Variants in FSD1L observed in about 807,000 individuals in gnomAD.
FSD1L encodes the protein fibronectin type III and SPRY domain containing 1 like.
A neutral mutation model predicts 71.6 loss-of-function variants in FSD1L; 45 were observed. The observed-to-expected ratio is 0.63, with a 90% CI of 0.49 to 0.81. The LOEUF (loss-of-function observed/expected upper bound fraction) is 0.81, where lower values mean the gene tolerates loss of function less well. Ranked by LOEUF, FSD1L falls within the 30% of genes least tolerant of loss-of-function variation. FSD1L has a pLI of 0.00. For missense variants in FSD1L, 561 were observed against 618.1 expected (o/e 0.91, Z 0.98); for synonymous variants, 197 against 207.2 (o/e 0.95, Z 0.42).
intron 12 of FSD1L, among the ~76,000 whole-genome samples, chr9:105,537,102 A>T (rs1386657661): frequency 6.6e-6 from 1 of 152,250 alleles, no homozygotes; most frequent in Non-Finnish European, 1.5e-5. Context: ...TTTAAAGCTC[A>T]TTGAATTAGT....
rs987220202 is a variant in FSD1L at position 105,523,776 on chromosome 9, A to G, written c.1026-10717A>G. ...AGATTTTCTAACACATTTCTACAAT[A>G]TAATGCATTGTGGATTACTTCATAT... On this transcript the variant is annotated intron_variant, in intron 10 of 13. Coordinates refer to ENST00000481272, the MANE Select transcript of FSD1L (RefSeq NM_001145313.3). The G allele has an allele frequency of 5.3e-5, 85 of 1,595,750 alleles. No individual in the cohort carries two copies. In the African/African-American group the frequency reaches 1.0e-3, roughly 19 times the overall value.
intron 5 of FSD1L, among the ~76,000 whole-genome samples, chr9:105,478,453 CTAGGCACTGGGGATACAGTGT>C (rs1470802853): frequency 6.6e-6 from 1 of 152,066 alleles, no homozygotes; most frequent in Admixed American, 6.6e-5. Flanking sequence ...AGCATTTTTG[CTAGGCACTGGGGATACAGTGT>C]TGAGCAAAAC....
chr9:105,531,506 T>C (rs1835893336), intron 10 of FSD1L, among the ~76,000 whole-genome samples: 1 of 152,242 alleles, frequency 6.6e-6, no homozygotes, highest in African/African-American at 2.4e-5. Flanking sequence ...AAGTTAGATA[T>C]AATGAAGAGC....
chr9:105,500,678 A>T (rs907880302), intron 7 of FSD1L: 1 of 152,154 alleles, frequency 6.6e-6, no homozygotes, highest in African/African-American at 2.4e-5. Flanking sequence ...AAGCTCCTGG[A>T]GGTAAAACTC....
upstream of FSD1L, chr9:105,447,736 G>A (rs951734273): frequency 1.0e-5 from 2 of 196,358 alleles, no homozygotes; most frequent in Non-Finnish European, 2.1e-5. Flanking sequence ...AGTGTGGGGA[G>A]GGGCTTCAGA....
chr9:105,517,159 A>G (rs908504709), intron 10 of FSD1L, among the ~76,000 whole-genome samples: 2 of 152,230 alleles, frequency 1.3e-5, no homozygotes, highest in Admixed American at 1.3e-4. Flanking sequence ...AAAGGCTCCA[A>G]GAAATATGGG....
chr9:105,488,382 AT>A (rs1832693519), intron 7 of FSD1L, among the ~76,000 whole-genome samples: 2 of 152,310 alleles, frequency 1.3e-5, no homozygotes, highest in South Asian at 4.1e-4. Context: ...GTATGGAATA[AT>A]AGTCCATTGT....
intron 10 of FSD1L, chr9:105,523,719 A>T (rs1835329485): frequency 1.4e-5 from 22 of 1,596,428 alleles, no homozygotes; most frequent in Non-Finnish European, 1.4e-5. Context: ...TGGTAATACA[A>T]TGAAAAGAAG....
rs143329935 is a variant in FSD1L at position 105,495,446 on chromosome 9, C to A, written c.586+10944C>A. Among the ~76,000 whole-genome samples, 1,350 of 152,334 alleles carry A rather than the reference C, an allele frequency of 8.9e-3. 11 individuals are homozygous for A. Among genetic ancestry groups the A allele is most frequent in the Middle Eastern group, 0.054 (16 of 294 alleles). ...GGATAGGGAACTCCCTGACCCCTTG[C>A]TCTTCCCGAGTGAGGCAATGCCTCG... On this transcript the variant is annotated intron_variant, in intron 7 of 13. Transcript: ENST00000481272.
chr9:105,511,363 T>C (rs1452652579), intron 9 of FSD1L, among the ~76,000 whole-genome samples: 1 of 152,078 alleles, frequency 6.6e-6, no homozygotes, highest in Non-Finnish European at 1.5e-5. Context: ...CAATATTCTT[T>C]CTCAAAAATG....
chr9:105,530,059 T>A (rs1835794819), intron 10 of FSD1L, among the ~76,000 whole-genome samples: 1 of 152,208 alleles, frequency 6.6e-6, no homozygotes, highest in African/African-American at 2.4e-5. Flanking sequence ...AAAGGCAGAT[T>A]AGGACTAAAT....
At chr9:105,468,442 G>T in intron 4 of FSD1L, 118 bp downstream of exon 4, 3 of 736,884 alleles carry the variant, frequency 4.1e-6, no homozygotes, top group South Asian at 3.0e-5. Flanking sequence ...GTAGAAGAAT[G>T]GTTTTTTGTT....
At chr9:105,452,661 G>GCCTGCCTGCCTGCCTGCCTT (rs1830092738) in intron 1 of FSD1L, among the ~76,000 whole-genome samples, 5 of 95,202 alleles carry the variant, frequency 5.3e-5, no homozygotes, top group African/African-American at 1.6e-4. Context: ...CTGCCTGCCT[G>GCCTGCCTGCCTGCCTGCCTT]CCTGCCTGCC....
intron 10 of FSD1L, chr9:105,519,992 G>A: frequency 1.4e-6 from 2 of 1,385,376 alleles, no homozygotes; most frequent in Non-Finnish European, 1.9e-6. Flanking sequence ...GGGAGGAGTC[G>A]GCTCTGCCCT....
chr9:105,482,774 C>T lies in FSD1L; in HGVS notation c.465-1607C>T, dbSNP rs138234417. On this transcript the variant is annotated intron_variant, in intron 6 of 13. Transcript: ENST00000481272. ...AAGCCTTTCTAATGCATTTATGGGG[C>T]ATATTCTTTTTCTTTGATGTCATGG... Among the ~76,000 whole-genome samples the T allele has an allele frequency of 2.0e-5, 3 of 152,048 alleles. No individual in the cohort carries two copies. The East Asian group carries it at 5.8e-4, about 29-fold the overall frequency.
intron 7 of FSD1L, among the ~76,000 whole-genome samples, chr9:105,505,721 G>A (rs1834016587): frequency 6.6e-6 from 1 of 152,140 alleles, no homozygotes; most frequent in Non-Finnish European, 1.5e-5. Context: ...AACTAGCCTT[G>A]CATACCAGGA....
rs1837161725 is a variant in FSD1L, at chr9:105,549,066, T to G, written c.*2583T>G. On this transcript the variant is annotated 3_prime_UTR_variant, in exon 14 of 14. Coordinates refer to ENST00000481272, the MANE Select transcript of FSD1L (RefSeq NM_001145313.3). ...AAAATATTGAGCTCTTGATTACAAT[T>G]TAATACATTGTAAAAAGTATTAAAT... is the stretch of plus-strand genomic sequence containing the variant. 1 of 152,102 alleles carries G rather than the reference T, an allele frequency of 6.6e-6. No homozygotes were observed. The highest frequency in any genetic ancestry group is 2.4e-5 in the African/African-American group (1 of 41,438). The allele number at this position is 152,102 out of a possible 1,614,324, so 9.4% of individuals were successfully genotyped here.
chr9:105,503,009 C>T (rs530711872), intron 7 of FSD1L, among the ~76,000 whole-genome samples: 52 of 151,772 alleles, frequency 3.4e-4, no homozygotes, highest in African/African-American at 1.2e-3. Flanking sequence ...TCCTGAGTAG[C>T]TGGGACCACA....
upstream of FSD1L, among the ~76,000 whole-genome samples, chr9:105,444,784 C>T (rs892084360): frequency 2.0e-5 from 3 of 152,198 alleles, no homozygotes; most frequent in African/African-American, 4.8e-5. Flanking sequence ...CTCTCCCCGA[C>T]CCCTTTTTTT....
Sources: gnomAD v4.1 joint callset for allele counts (sites outside exome capture counted in the v4.1 genomes callset) on GRCh38, gnomAD v4.1.1 for gene constraint, MANE v1.5 for transcripts, NCBI Gene and HGNC (gene_info 2026-07-23, HGNC 2026-07-21) for gene names.